The following RAB6B variants were observed in gnomAD, a reference collection of about 807,000 sequenced individuals.
The protein encoded by RAB6B is RAB6B, member RAS oncogene family.
In RAB6B, 7 loss-of-function variants were observed where a neutral mutation model predicts 31.2. The observed-to-expected ratio is 0.22, with a 90% confidence interval of 0.13 to 0.42. The LOEUF (loss-of-function observed/expected upper bound fraction) is 0.42. Among genes scored for constraint, RAB6B ranks in the 10% least tolerant of loss-of-function variants. The probability of loss-of-function intolerance (pLI) is 1.00; values close to 1 mark genes in which losing one functional copy is unlikely to be tolerated. For synonymous variants in RAB6B, 105 were observed against 104.9 expected (o/e 1.00, Z -0.01); for missense variants, 149 against 280.6 (o/e 0.53, Z 3.35).
chr3:133,878,302 A>T (rs920418940), intron 1 of RAB6B, among the ~76,000 whole-genome samples: 1 of 152,220 alleles, frequency 6.6e-6, no homozygotes, highest in African/African-American at 2.4e-5. Context: ...AAAAAGACAC[A>T]TTATGTACAG....
At chr3:133,890,482 G>A (rs1434086443) in intron 1 of RAB6B, among the ~76,000 whole-genome samples, 2 of 152,166 alleles carry the variant, frequency 1.3e-5, no homozygotes, top group Non-Finnish European at 2.9e-5. Flanking sequence ...GTGTGGGCCT[G>A]TAGTCCCAGC....
At chr3:133,891,438 C>T (rs925698055) in intron 1 of RAB6B, among the ~76,000 whole-genome samples, 5 of 152,220 alleles carry the variant, frequency 3.3e-5, no homozygotes, top group Non-Finnish European at 7.3e-5. Flanking sequence ...CCTATAGAAG[C>T]ATCCCTTGCT....
chr3:133,865,481 C>T (rs1048835124), intron 1 of RAB6B, among the ~76,000 whole-genome samples: 5 of 152,252 alleles, frequency 3.3e-5, no homozygotes, highest in African/African-American at 1.2e-4. Flanking sequence ...TGCTGCATTT[C>T]TAACCATCTG....
intron 1 of RAB6B, chr3:133,885,806 T>A: frequency 1.7e-6 from 1 of 589,360 alleles, no homozygotes; most frequent in Non-Finnish European, 3.0e-6. Flanking sequence ...AGAGAAAGAA[T>A]CAAGAAAATA....
intron 1 of RAB6B, among the ~76,000 whole-genome samples, chr3:133,879,015 T>C (rs569399933): frequency 3.0e-4 from 46 of 152,222 alleles, no homozygotes; most frequent in Non-Finnish European, 4.7e-4. Context: ...ACCTGGGTTT[T>C]AATCCTGGCT....
chr3:133,848,034 C>G (rs77232880), intron 2 of RAB6B, among the ~76,000 whole-genome samples: 2,008 of 152,312 alleles, frequency 0.013, 45 homozygotes, highest in African/African-American at 0.046. Flanking sequence ...GGACTTACCC[C>G]TGTTCTGAGC....
intron 1 of RAB6B, among the ~76,000 whole-genome samples, chr3:133,893,541 G>A (rs1936665928): frequency 1.3e-5 from 2 of 152,218 alleles, no homozygotes; most frequent in African/African-American, 4.8e-5. Context: ...ACTCACCAGA[G>A]ACACTTTCTT....
intron 2 of RAB6B, among the ~76,000 whole-genome samples, chr3:133,842,234 C>T (rs755032161): frequency 2.6e-5 from 4 of 152,236 alleles, no homozygotes; most frequent in Non-Finnish European, 5.9e-5. Context: ...TGGCTCTTTT[C>T]TCCCCAAGCC....
chr3:133,867,132 G>A (rs1217896734), intron 1 of RAB6B, among the ~76,000 whole-genome samples: 1 of 152,190 alleles, frequency 6.6e-6, no homozygotes, highest in Admixed American at 6.5e-5. Flanking sequence ...CACTGGCAGT[G>A]GATTAGCACT....
At chr3:133,859,476 G>A (rs911894412) in intron 2 of RAB6B, among the ~76,000 whole-genome samples, 3 of 152,118 alleles carry the variant, frequency 2.0e-5, no homozygotes, top group Admixed American at 6.5e-5. Flanking sequence ...GTGTGTCCAC[G>A]GGGAACCTTC....
chr3:133,839,015 G>A (rs1365154898), intron 5 of RAB6B, among the ~76,000 whole-genome samples: 4 of 152,234 alleles, frequency 2.6e-5, no homozygotes, highest in South Asian at 2.1e-4. Flanking sequence ...CATGCCAGAC[G>A]CAGCCACAAA....
In RAB6B at chr3:133,882,990, G is replaced by A. The variant is rs146511531; in HGVS notation, c.70+12407C>T. On this transcript the variant is annotated intron_variant, in intron 1 of 7. Transcript: ENST00000285208. ...TAATTTCCAGATCTTGGTGCCACAAGTAGGATTTGCTAATATCCTTAAAAT... is the reference window on the plus strand; with the variant it reads ...TAATTTCCAGATCTTGGTGCCACAAATAGGATTTGCTAATATCCTTAAAAT... 3.5e-4 allele frequency among the ~76,000 whole-genome samples: 54 copies of A among 152,354 alleles called. 1 individual carries two copies. The highest frequency in any genetic ancestry group is 3.4e-3 in the Middle Eastern group (1 of 294).
chr3:133,861,011 C>A (rs2108001732), intron 2 of RAB6B, among the ~76,000 whole-genome samples: 1 of 152,288 alleles, frequency 6.6e-6, no homozygotes, highest in Non-Finnish European at 1.5e-5. Context: ...AGTGCTGCTA[C>A]CACCAAATCC....
intron 7 of RAB6B, among the ~76,000 whole-genome samples, chr3:133,832,456 G>A (rs565007110): frequency 6.6e-6 from 1 of 152,314 alleles, no homozygotes; most frequent in South Asian, 2.1e-4. Context: ...AGCTGAGCAA[G>A]TGAGGCCAGG....
intron 7 of RAB6B, among the ~76,000 whole-genome samples, chr3:133,833,262 C>T (rs777570533): frequency 6.6e-6 from 1 of 152,162 alleles, no homozygotes; most frequent in Non-Finnish European, 1.5e-5. Flanking sequence ...CCGTGGGGTG[C>T]CCTAGTTTAA....
At position 133,889,475 on chromosome 3, in the gene RAB6B, C is replaced by T. The variant is rs546040056; in HGVS notation, c.70+5922G>A. Among the ~76,000 whole-genome samples the T allele has an allele frequency of 2.4e-4, 33 of 135,670 alleles. 1 individual carries two copies. The South Asian group carries it at 5.1e-3, about 21-fold the overall frequency. The allele number at this position is 135,670 out of a possible 152,430, so 89.0% of individuals were successfully genotyped here. A position where few individuals can be genotyped will look rare whatever the true frequency, so the allele number is the denominator to read the frequency against. Reference sequence around the variant, plus strand: ...TTTGGGATGGAGTTTTGCTCTGTTGCCCAGGGTGGAGTGCAGTGGTGCCAT... The same window carrying T: ...TTTGGGATGGAGTTTTGCTCTGTTGTCCAGGGTGGAGTGCAGTGGTGCCAT... On this transcript the variant is annotated intron_variant, in intron 1 of 7. Transcript: ENST00000285208.
At chr3:133,859,781 A>T (rs1015027901) in intron 2 of RAB6B, among the ~76,000 whole-genome samples, 16 of 152,238 alleles carry the variant, frequency 1.1e-4, no homozygotes, top group African/African-American at 3.9e-4. Flanking sequence ...CAGAAGGGCA[A>T]GATCACTGGG....
chr3:133,895,457 C>T lies in RAB6B; in HGVS notation c.10G>A (p.Gly4Arg). The T allele has an allele frequency of 6.2e-7, 1 of 1,611,050 alleles. No homozygotes were observed. Among genetic ancestry groups the T allele is most frequent in the Non-Finnish European group, 8.5e-7 (1 of 1,178,732 alleles). The change falls in exon 1 of 8, where the codon GGG (glycine) becomes AGG (arginine). Residue 4 changes from glycine to arginine, a missense_variant. Gly to Arg is a moderately radical substitution (Grantham distance 125). Transcript: ENST00000285208. ...CTCAGTGGATTCCCAAAATCTCCCCCTGCGGACATGGTGCTGGCAGCCGGG... is the reference window on the plus strand; with the variant it reads ...CTCAGTGGATTCCCAAAATCTCCCCTTGCGGACATGGTGCTGGCAGCCGGG... Reference protein sequence around the residue: MSAGGDFGNPLRKF... With the variant: MSARGDFGNPLRKF...
intron 7 of RAB6B, among the ~76,000 whole-genome samples, chr3:133,829,205 C>T (rs1935619787): frequency 6.6e-6 from 1 of 152,204 alleles, no homozygotes; most frequent in African/African-American, 2.4e-5. Flanking sequence ...CTGTCAGCCC[C>T]ACTCAAAGTG....
Sources: gnomAD v4.1 joint callset for allele counts (sites outside exome capture counted in the v4.1 genomes callset) on GRCh38, gnomAD v4.1.1 for gene constraint, MANE v1.5 for transcripts, NCBI Gene and HGNC (gene_info 2026-07-23, HGNC 2026-07-21) for gene names.